The following PAFAH1B1 variants were observed in gnomAD, a reference collection of about 807,000 sequenced individuals.
PAFAH1B1 encodes the protein platelet activating factor acetylhydrolase 1b regulatory subunit 1, also known as platelet-activating factor acetylhydrolase IB subunit beta.
Under a neutral mutation model 57.5 loss-of-function variants are expected in PAFAH1B1, and 2 were observed. That is an observed-to-expected ratio of 0.03 (90% CI 0.01 to 0.11). PAFAH1B1 has a LOEUF of 0.11. Among genes scored for constraint, PAFAH1B1 ranks in the 10% least tolerant of loss-of-function variants. PAFAH1B1 has a pLI of 1.00. For missense variants in PAFAH1B1, 257 were observed against 512.0 expected (o/e 0.50, Z 4.81); for synonymous variants, 152 against 169.6 (o/e 0.90, Z 0.81).
At position 2,619,978 on chromosome 17, in the gene PAFAH1B1, A is replaced by G. The variant is rs147214547; in HGVS notation, c.-190-18121A>G. On this transcript the variant is annotated intron_variant, in intron 1 of 10. Coordinates refer to ENST00000397195, the MANE Select transcript of PAFAH1B1 (RefSeq NM_000430.4). Reference sequence around the variant, plus strand: ...TTTTTTATTATTATTCTTTGTGGAGATGTGGTCTTGCTGTGTTGCCCAGCC... The same window carrying G: ...TTTTTTATTATTATTCTTTGTGGAGGTGTGGTCTTGCTGTGTTGCCCAGCC... Among the ~76,000 whole-genome samples, 158 of 152,002 alleles carry G rather than the reference A, an allele frequency of 1.0e-3. 3 individuals carry two copies. In the East Asian group the frequency reaches 0.022, roughly 21 times the overall value.
At chr17:2,604,597 C>T (rs945492361) in intron 1 of PAFAH1B1, among the ~76,000 whole-genome samples, 4 of 152,046 alleles carry the variant, frequency 2.6e-5, no homozygotes, top group Non-Finnish European at 5.9e-5. Flanking sequence ...GATCACTTGA[C>T]GTCAGGAGTT....
At chr17:2,652,140 A>G (rs528158647) in intron 2 of PAFAH1B1, among the ~76,000 whole-genome samples, 179 of 127,874 alleles carry the variant, frequency 1.4e-3, no homozygotes, top group African/African-American at 4.3e-3. Context: ...GGCCAGACAC[A>G]GTGGCTCACG....
intron 2 of PAFAH1B1, among the ~76,000 whole-genome samples, chr17:2,646,860 G>C (rs1597549584): frequency 6.6e-6 from 1 of 152,132 alleles, no homozygotes; most frequent in Non-Finnish European, 1.5e-5. Context: ...TTGCTTCCCA[G>C]ATTACATTGC....
chr17:2,647,876 C>T (rs1037117192), intron 2 of PAFAH1B1, among the ~76,000 whole-genome samples: 7 of 151,854 alleles, frequency 4.6e-5, no homozygotes, highest in South Asian at 4.2e-4. Flanking sequence ...TGGTGGCGGG[C>T]GCCTTTAGTT....
chr17:2,668,639 A>G (rs1355774258), intron 5 of PAFAH1B1, among the ~76,000 whole-genome samples: 1 of 152,100 alleles, frequency 6.6e-6, no homozygotes, highest in Non-Finnish European at 1.5e-5. Context: ...TGATTGAGCC[A>G]GTGTACTCCA....
intron 2 of PAFAH1B1, among the ~76,000 whole-genome samples, chr17:2,654,505 A>G (rs1272127673): frequency 6.6e-6 from 1 of 152,114 alleles, no homozygotes; most frequent in Non-Finnish European, 1.5e-5. Context: ...TTTGATAATG[A>G]TGGAATCTAT....
intron 1 of PAFAH1B1, among the ~76,000 whole-genome samples, chr17:2,633,475 C>CT (rs528278757): frequency 0.059 from 8,407 of 141,902 alleles, 312 homozygotes; most frequent in Non-Finnish European, 0.075. Flanking sequence ...GCCAGGATTT[C>CT]TTTTTTTTTT....
At chr17:2,653,857 G>A (rs576024935) in intron 2 of PAFAH1B1, among the ~76,000 whole-genome samples, 38 of 152,048 alleles carry the variant, frequency 2.5e-4, no homozygotes, top group Non-Finnish European at 5.4e-4. Context: ...TGCCCAGGCT[G>A]GAGTACAGTG....
intron 10 of PAFAH1B1, chr17:2,681,113 A>G (rs2069377605): frequency 6.5e-6 from 1 of 152,882 alleles, no homozygotes; most frequent in Non-Finnish European, 1.5e-5. Context: ...TTGCCTAAGG[A>G]GGGGTGACCT....
At chr17:2,649,208 C>G (rs1375898336) in intron 2 of PAFAH1B1, among the ~76,000 whole-genome samples, 1 of 138,884 alleles carries the variant, frequency 7.2e-6, no homozygotes, top group Non-Finnish European at 1.5e-5. Context: ...CAAAGCAAGA[C>G]TGTCTCAAAA....
At chr17:2,679,999 C>G (rs1259702847) in intron 9 of PAFAH1B1, 165 bp from the exon 10 acceptor site, 3 of 682,614 alleles carry the variant, frequency 4.4e-6, no homozygotes, top group Non-Finnish European at 7.6e-6. Context: ...ATTCACTCCT[C>G]ATGTCTTATG....
At chr17:2,632,756 T>C (rs939168637) in intron 1 of PAFAH1B1, among the ~76,000 whole-genome samples, 2 of 152,174 alleles carry the variant, frequency 1.3e-5, no homozygotes, top group African/African-American at 2.4e-5. Flanking sequence ...CCAGAGATGA[T>C]TTATATTATA....
rs542139141 is a variant in PAFAH1B1, at chr17:2,626,246, C to T, written c.-190-11853C>T. 1.2e-3 allele frequency among the ~76,000 whole-genome samples: 174 copies of T among 150,316 alleles called. 1 individual carries two copies. The highest frequency in any genetic ancestry group is 2.1e-3 in the Non-Finnish European group (143 of 67,696). The stretch of plus-strand genomic sequence containing the variant: ...TCCAGCCTGGGCGACAGTGAGACTC[C>T]GTCTCAAAAAAAAAAAAAATTATTT... On this transcript the variant is annotated intron_variant, in intron 1 of 10. Coordinates refer to ENST00000397195, the MANE Select transcript of PAFAH1B1 (RefSeq NM_000430.4).
intron 6 of PAFAH1B1, among the ~76,000 whole-genome samples, chr17:2,672,218 A>G (rs775992818): frequency 9.0e-5 from 12 of 133,394 alleles, no homozygotes; most frequent in Non-Finnish European, 1.4e-4. Flanking sequence ...CAGGAGTTCA[A>G]GGCTACAGTG....
At chr17:2,637,549 A>G (rs962507806) in intron 1 of PAFAH1B1, among the ~76,000 whole-genome samples, 1 of 152,150 alleles carries the variant, frequency 6.6e-6, no homozygotes, top group Non-Finnish European at 1.5e-5. Flanking sequence ...ATGCCACTGC[A>G]CTCCAACCTG....
chr17:2,620,052 G>C (rs562257070), intron 1 of PAFAH1B1, among the ~76,000 whole-genome samples: 24 of 152,228 alleles, frequency 1.6e-4, no homozygotes, highest in African/African-American at 5.1e-4. Context: ...TGGCCTCTTT[G>C]TAATATGCCC....
intron 1 of PAFAH1B1, among the ~76,000 whole-genome samples, chr17:2,596,266 T>C (rs1345097948): frequency 6.6e-6 from 1 of 152,200 alleles, no homozygotes; most frequent in African/African-American, 2.4e-5. Context: ...CATATAAGTA[T>C]AAATTAATGT....
At chr17:2,626,566 C>CG (rs1201383372) in intron 1 of PAFAH1B1, among the ~76,000 whole-genome samples, 1 of 68,474 alleles carries the variant, frequency 1.5e-5, no homozygotes, top group Non-Finnish European at 3.9e-5. Context: ...CCCCCCCCCC[C>CG]CCCCCGAGGC....
intron 1 of PAFAH1B1, among the ~76,000 whole-genome samples, chr17:2,611,341 G>C (rs771620360): frequency 6.2e-4 from 94 of 151,960 alleles, no homozygotes; most frequent in Non-Finnish European, 1.1e-3. Context: ...GGTTGTGTGC[G>C]CCTGTAGTCC....
Sources: allele counts gnomAD v4.1 joint callset (sites outside exome capture counted in the v4.1 genomes callset), GRCh38; gene constraint gnomAD v4.1.1; transcripts MANE v1.5; gene names NCBI Gene and HGNC (gene_info 2026-07-23, HGNC 2026-07-21).